PSMC3: variants seen among roughly 807,000 people sequenced by gnomAD.
The protein encoded by PSMC3 is 26S proteasome regulatory subunit 6A.
Under a neutral mutation model 52.0 loss-of-function variants are expected in PSMC3, and 11 were observed. That is an observed-to-expected ratio of 0.21 (90% CI 0.13 to 0.35). The LOEUF is 0.35. Ranked by LOEUF, PSMC3 falls within the 10% of genes least tolerant of loss-of-function variation. PSMC3 has a pLI of 1.00. For missense variants in PSMC3, 238 were observed against 567.1 expected (o/e 0.42, Z 5.89); for synonymous variants, 201 against 218.8 (o/e 0.92, Z 0.72).
chr11:47,423,966 T>G, intron 6 of PSMC3, 80 bp downstream of exon 6: 2 of 1,588,010 alleles, frequency 1.3e-6, no homozygotes, highest in Non-Finnish European at 1.7e-6. Flanking sequence ...GAAAGACACA[T>G]TAGGGAGATG....
At chr11:47,419,688 T>C (rs868215384) in intron 10 of PSMC3, among the ~76,000 whole-genome samples, 23 of 152,064 alleles carry the variant, frequency 1.5e-4, no homozygotes, top group African/African-American at 5.5e-4. Flanking sequence ...TGAAACCTCG[T>C]CTCTACTAAA....
intron 1 of PSMC3, 82 bp from the exon 2 acceptor site, chr11:47,426,032 T>C: frequency 6.9e-7 from 1 of 1,450,152 alleles, no homozygotes; most frequent in Non-Finnish European, 9.6e-7. Flanking sequence ...ACTCACAGCC[T>C]CAGTTTCCAC....
At chr11:47,425,329 GC>G in intron 2 of PSMC3, 83 bp from the exon 3 acceptor site, 1 of 1,541,656 alleles carries the variant, frequency 6.5e-7, no homozygotes, top group Non-Finnish European at 8.9e-7. Flanking sequence ...GGTCCAGGGT[GC>G]CCAGGGGACC....
intron 6 of PSMC3, among the ~76,000 whole-genome samples, chr11:47,423,679 C>T (rs1279731961): frequency 6.6e-6 from 1 of 152,156 alleles, no homozygotes; most frequent in Non-Finnish European, 1.5e-5. Context: ...GTAATCCCAG[C>T]TACTCGAGAG....
At chr11:47,420,846 T>G in intron 8 of PSMC3, 119 bp from the exon 9 acceptor site, 2 of 834,388 alleles carry the variant, frequency 2.4e-6, no homozygotes, top group Non-Finnish European at 3.8e-6. Context: ...CTCACTCAAC[T>G]TGGGGCCCCC....
At chr11:47,426,062 A>G (rs2096046039) in intron 1 of PSMC3, 112 bp from the exon 2 acceptor site, 3 of 1,396,456 alleles carry the variant, frequency 2.1e-6, no homozygotes, top group South Asian at 1.2e-5. Context: ...ACCAGGATGG[A>G]GTCAGGACCC....
chr11:47,420,978 C>T (rs564179167), intron 8 of PSMC3, among the ~76,000 whole-genome samples: 1 of 152,302 alleles, frequency 6.6e-6, no homozygotes, highest in East Asian at 1.9e-4. Context: ...GGTGTGGTGG[C>T]TCATGCCTGT....
At chr11:47,419,523 C>T (rs1446600473) in intron 10 of PSMC3, among the ~76,000 whole-genome samples, 5 of 152,156 alleles carry the variant, frequency 3.3e-5, no homozygotes, top group Admixed American at 6.6e-5. Flanking sequence ...CTTACCACGA[C>T]CCTGTGAAAT....
chr11:47,419,001 C>T (rs2096036633), intron 11 of PSMC3, 56 bp from the exon 12 acceptor site: 2 of 1,606,854 alleles, frequency 1.2e-6, no homozygotes, highest in East Asian at 4.5e-5. Flanking sequence ...TTCCCTGGCT[C>T]CCTGAGGCTC....
intron 8 of PSMC3, among the ~76,000 whole-genome samples, chr11:47,422,000 G>A (rs2096041109): frequency 1.3e-5 from 2 of 151,366 alleles, no homozygotes; most frequent in South Asian, 2.1e-4. Flanking sequence ...GTGGGTTCAT[G>A]TGAGCGAGGT....
chr11:47,425,337 G>A, intron 2 of PSMC3, 91 bp from the exon 3 acceptor site: 1 of 1,479,960 alleles, frequency 6.8e-7, no homozygotes, highest in South Asian at 1.1e-5. Flanking sequence ...GTGCCCAGGG[G>A]ACCCTCCCGC....
intron 2 of PSMC3, 60 bp downstream of exon 2, chr11:47,425,807 C>A (rs2096045737): frequency 1.4e-6 from 2 of 1,479,076 alleles, no homozygotes; most frequent in Admixed American, 2.0e-5. Context: ...AGAGGCGACT[C>A]GGATCGCCGG....
At position 47,422,839 on chromosome 11, in the gene PSMC3, T is replaced by A; in HGVS notation, c.726A>T (p.Ala242=). The change falls in exon 7 of 12, where the codon GCA becomes GCT. Residue 242 remains alanine, a synonymous_variant. Transcript: ENST00000298852. The surrounding 1 kb of genome is among the most constrained non-coding windows in gnomAD (Gnocchi z 4.3). ...GKTLLARACA[A]QTKATFLKLA... is the part of the protein sequence containing the mutation. ...CTCCCAAAGTACTCACCTTAGTCTG[T>A]GCGGCACAGGCCCGGGCCAGGAGGG... 1 of 1,610,870 alleles carries A rather than the reference T, an allele frequency of 6.2e-7. No individual in the cohort carries two copies. Among genetic ancestry groups the A allele is most frequent in the Non-Finnish European group, 8.5e-7 (1 of 1,178,116 alleles).
Position 47,424,807 on chromosome 11 carries a change from C to T in PSMC3, c.286-96G>A, listed in dbSNP as rs2153304128. ...CCTGCAGGGCTGGCCATCCTTACCT[C>T]CCTCCTCCAATAGCCCTGAGCCCAC... On this transcript the variant is annotated intron_variant, in intron 3 of 11. Transcript: ENST00000298852. The surrounding 1 kb of genome is among the most constrained non-coding windows in gnomAD (Gnocchi z 4.8). 1 of 1,121,872 alleles carries T rather than the reference C, an allele frequency of 8.9e-7. No individual in the cohort carries two copies. Among genetic ancestry groups the T allele is most frequent in the Non-Finnish European group, 1.3e-6 (1 of 748,642 alleles). The allele number at this position is 1,121,872 out of a possible 1,614,324, so 69.5% of individuals were successfully genotyped here.
At chr11:47,423,806 AG>A (rs2096043453) in intron 6 of PSMC3, among the ~76,000 whole-genome samples, 1 of 133,726 alleles carries the variant, frequency 7.5e-6, no homozygotes, top group Admixed American at 7.4e-5. Context: ...AAAAAAAAAA[AG>A]GACACTGGGC....
At chr11:47,420,524 A>T in intron 9 of PSMC3, 107 bp downstream of exon 9, 1 of 1,516,596 alleles carries the variant, frequency 6.6e-7, no homozygotes, top group South Asian at 1.2e-5. Flanking sequence ...TGGGATGTTA[A>T]AGACAGATCC....
chr11:47,423,907 C>T, intron 6 of PSMC3, 139 bp downstream of exon 6: 1 of 1,214,048 alleles, frequency 8.2e-7, no homozygotes. Flanking sequence ...TCAGTCTCCT[C>T]ACCTGTCACA....
In PSMC3 at chr11:47,422,180, C is replaced by T. The variant is rs1324233107; in HGVS notation, c.884+394G>A. 2.6e-5 allele frequency among the ~76,000 whole-genome samples: 4 copies of T among 152,000 alleles called. No individual in the cohort carries two copies. Among genetic ancestry groups the T allele is most frequent in the Non-Finnish European group, 5.9e-5 (4 of 68,010 alleles). On this transcript the variant is annotated intron_variant, in intron 8 of 11. Transcript: ENST00000298852. The surrounding 1 kb of genome is among the most constrained non-coding windows in gnomAD (Gnocchi z 4.3). The stretch of plus-strand genomic sequence containing the variant: ...GCCTCAGCCTCCCAGGCATCTGGGA[C>T]TACAGGCGCCTGCTACCACGCCCAG...
rs568889485 is a variant in PSMC3, at chr11:47,425,737, T to C, written c.159+130A>G. The C allele has an allele frequency of 6.6e-6, 5 of 760,486 alleles. No homozygotes were observed. The African/African-American group carries it at 7.1e-5, about 11-fold the overall frequency. The allele number at this position is 760,486 out of a possible 1,614,324, so 47.1% of individuals were successfully genotyped here. A position where few individuals can be genotyped will look rare whatever the true frequency, so the allele number is the denominator to read the frequency against. On this transcript the variant is annotated intron_variant, in intron 2 of 11. Transcript: ENST00000298852. The stretch of plus-strand genomic sequence containing the variant: ...GGCTTAGTTTTCTTTCCTCTCTTCC[T>C]GATATGAGGGGGAAGCCCGAGCCCC...
Sources: allele counts gnomAD v4.1 joint callset (sites outside exome capture counted in the v4.1 genomes callset), GRCh38; gene constraint gnomAD v4.1.1; non-coding constraint Gnocchi (gnomAD v3.1); transcripts MANE v1.5; gene names NCBI Gene and HGNC (gene_info 2026-07-23, HGNC 2026-07-21).